SUN1: variants seen among roughly 807,000 people sequenced by gnomAD.
The protein encoded by SUN1 is Sad1 and UNC84 domain containing 1.
In SUN1, 61 loss-of-function variants were observed where a neutral mutation model predicts 103.2. That is an observed-to-expected ratio of 0.59 (90% confidence interval 0.48 to 0.73). The LOEUF (loss-of-function observed/expected upper bound fraction) is 0.73. SUN1 is among the 30% of genes least tolerant of loss of function. The probability of loss-of-function intolerance (pLI) is 0.00; values close to 1 mark genes in which losing one functional copy is unlikely to be tolerated. For synonymous variants in SUN1, 490 were observed against 425.7 expected (o/e 1.15, Z -1.86); for missense variants, 1,052 against 1,034.6 (o/e 1.02, Z -0.23).
chr7:874,820 T>G lies in SUN1; in HGVS notation c.*1489T>G, dbSNP rs1429547129. The G allele has an allele frequency of 2.0e-5, 3 of 152,280 alleles. No individual in the cohort carries two copies. Among genetic ancestry groups the G allele is most frequent in the Non-Finnish European group, 2.9e-5 (2 of 68,054 alleles). 9.4% of individuals were successfully genotyped at this position (152,280 alleles called of 1,614,324 possible). A position where few individuals can be genotyped will look rare whatever the true frequency, so the allele number is the denominator to read the frequency against. ...GTAAATGCTTTTCAAAATATCTGTC[T>G]TTGGTAGTGCTTCTGCTGCTGCCAC... On this transcript the variant is annotated 3_prime_UTR_variant, in exon 19 of 19. Transcript: ENST00000401592.
Position 873,464 on chromosome 7 carries a change from A to AGAGG in SUN1, c.*134_*137dup. ...CCTTCAATAAACGTGGCTGCTGGCC[A>AGAGG]GAGGACGTGAGCGTGTGACGGGCGC... On this transcript the variant is annotated 3_prime_UTR_variant, in exon 19 of 19. Coordinates refer to ENST00000401592, the MANE Select transcript of SUN1 (RefSeq NM_001130965.3). 1.1e-6 allele frequency: 1 copy of AGAGG among 901,618 alleles called. No individual in the cohort carries two copies. Among genetic ancestry groups the AGAGG allele is most frequent in the Non-Finnish European group, 1.7e-6 (1 of 591,518 alleles). 55.9% of individuals were successfully genotyped at this position (901,618 alleles called of 1,614,324 possible). A position where few individuals can be genotyped will look rare whatever the true frequency, so the allele number is the denominator to read the frequency against.
intron 16 of SUN1, 120 bp from the exon 17 acceptor site, chr7:869,228 TG>T: frequency 8.0e-7 from 1 of 1,254,074 alleles, no homozygotes; most frequent in South Asian, 1.5e-5. Flanking sequence ...ATTTTGCTCA[TG>T]GCAGTTTCTA....
intron 1 of SUN1, among the ~76,000 whole-genome samples, chr7:818,742 G>A (rs1273038961): frequency 2.0e-5 from 3 of 152,110 alleles, no homozygotes; most frequent in Non-Finnish European, 1.5e-5. Context: ...CTGAAGTGGC[G>A]TCTCATTTGG....
intron 1 of SUN1, among the ~76,000 whole-genome samples, chr7:819,408 A>C (rs1406059508): frequency 6.6e-6 from 1 of 152,026 alleles, no homozygotes; most frequent in East Asian, 1.9e-4. Flanking sequence ...ATACCTAAGA[A>C]CTCTGCAAAA....
At chr7:818,279 A>C (rs894576926) in intron 1 of SUN1, among the ~76,000 whole-genome samples, 2 of 152,238 alleles carry the variant, frequency 1.3e-5, no homozygotes, top group Non-Finnish European at 2.9e-5. Flanking sequence ...ATGTAAATGG[A>C]ATCATACAAT....
At chr7:863,863 G>C (rs1324166978) in intron 15 of SUN1, among the ~76,000 whole-genome samples, 1 of 152,170 alleles carries the variant, frequency 6.6e-6, no homozygotes, top group Non-Finnish European at 1.5e-5. Context: ...CCCAGTTTCA[G>C]TAAGTAAAAA....
chr7:830,873 A>G, upstream of SUN1: 45 of 874,950 alleles, frequency 5.1e-5, no homozygotes, highest in Non-Finnish European at 6.0e-5. Context: ...TCGGCAGTGC[A>G]GGCAGAGCCC....
At chr7:833,007 G>T in intron 1 of SUN1, 1 of 160,928 alleles carries the variant, frequency 6.2e-6, no homozygotes, top group South Asian at 1.9e-4. Flanking sequence ...GAAGCTCAGG[G>T]TTTTGAGAAC....
At chr7:824,478 A>G (rs1448073409) in intron 1 of SUN1, among the ~76,000 whole-genome samples, 1 of 152,244 alleles carries the variant, frequency 6.6e-6, no homozygotes, top group Non-Finnish European at 1.5e-5. Context: ...GAAACTATTT[A>G]AACTATTTAA....
chr7:857,929 G>A lies in SUN1; in HGVS notation c.1496G>A (p.Cys499Tyr). 6.3e-7 allele frequency: 1 copy of A among 1,595,828 alleles called. No individual in the cohort carries two copies. Among genetic ancestry groups the A allele is most frequent in the Non-Finnish European group, 8.6e-7 (1 of 1,165,986 alleles). The part of the protein sequence containing the change: ...LSSWRHVKTG[C>Y]ETVDAVQERV... ...AGCTGGCGACACGTGAAGACCGGCT[G>A]TGAGACAGTGGATGCCGTACAAGAA... Residue 499 changes from cysteine (C) to tyrosine (Y), a missense_variant, in exon 13 of 19, where the codon TGT becomes TAT. Cys to Tyr is a radical substitution (Grantham distance 194, BLOSUM62 -2). This residue lies in a region of SUN1 where 846 missense variants were observed against 774.5 expected (regional missense o/e 1.09). Transcript: ENST00000401592.
chr7:869,604 G>A (rs954795637), intron 17 of SUN1, 88 bp downstream of exon 17: 23 of 1,490,406 alleles, frequency 1.5e-5, no homozygotes, highest in Middle Eastern at 2.4e-4. Context: ...CACTGGGGAC[G>A]GCTGCCTCCC....
At chr7:837,242 G>A (rs965322819) in intron 1 of SUN1, among the ~76,000 whole-genome samples, 12 of 152,196 alleles carry the variant, frequency 7.9e-5, no homozygotes, top group African/African-American at 2.9e-4. Context: ...GCGAGCCGGG[G>A]TCTGTGGCTG....
intron 5 of SUN1, chr7:848,399 G>A: frequency 7.4e-6 from 10 of 1,347,802 alleles, no homozygotes; most frequent in Non-Finnish European, 9.8e-6. Context: ...AATAACGCAT[G>A]TTCATGGTTT....
At chr7:871,180 A>T (rs994786994) in intron 17 of SUN1, among the ~76,000 whole-genome samples, 2 of 152,090 alleles carry the variant, frequency 1.3e-5, no homozygotes, top group African/African-American at 4.8e-5. Flanking sequence ...TAGTTTATTT[A>T]ATCTGCATTT....
At chr7:840,986 T>A (rs113451137) in intron 2 of SUN1, among the ~76,000 whole-genome samples, 7 of 150,826 alleles carry the variant, frequency 4.6e-5, no homozygotes, top group Non-Finnish European at 8.8e-5. Flanking sequence ...CAGGCTGGAG[T>A]GCAATGGCGC....
upstream of SUN1, among the ~76,000 whole-genome samples, chr7:828,333 G>A (rs189790169): frequency 3.2e-3 from 487 of 152,036 alleles, 6 homozygotes; most frequent in East Asian, 0.022. Flanking sequence ...GTGCAGTGGT[G>A]CTGTGTTGGC....
upstream of SUN1, among the ~76,000 whole-genome samples, chr7:828,783 C>G (rs1436848237): frequency 6.6e-6 from 1 of 152,212 alleles, no homozygotes; most frequent in Non-Finnish European, 1.5e-5. Context: ...GTCGATGGCT[C>G]TCCACCCGTC....
rs115890495 is a variant in SUN1, at chr7:843,685, C to A, written c.658+165C>A. On this transcript the variant is annotated intron_variant, in intron 5 of 18. Coordinates refer to ENST00000401592, the MANE Select transcript of SUN1 (RefSeq NM_001130965.3). ...CCAGCTTTGTCCTTCCTGTCCTCTT[C>A]TAGTTTACATTTTATGTGGTTAGTA... 1,704 of 1,462,778 alleles carry A rather than the reference C, an allele frequency of 1.2e-3. 21 individuals are homozygous for A. In the African/African-American group the frequency reaches 0.022, roughly 19 times the overall value. 90.6% of individuals were successfully genotyped at this position (1,462,778 alleles called of 1,614,324 possible).
chr7:872,805 C>A (rs958250090), intron 18 of SUN1, among the ~76,000 whole-genome samples: 1 of 152,204 alleles, frequency 6.6e-6, no homozygotes, highest in African/African-American at 2.4e-5. Context: ...AAGTTAACTT[C>A]CAGCTGGGCG....
Sources: gnomAD v4.1 joint callset for allele counts (sites outside exome capture counted in the v4.1 genomes callset) on GRCh38, gnomAD v4.1.1 for gene constraint, gnomAD v4.1.1 regional missense constraint, MANE v1.5 for transcripts, NCBI Gene and HGNC (gene_info 2026-07-23, HGNC 2026-07-21) for gene names.